Variants in ATP1B1 observed in about 807,000 individuals in gnomAD.
The protein encoded by ATP1B1 is ATPase Na+/K+ transporting subunit beta 1.
ATP1B1 carries 3 observed loss-of-function variants against 39.6 expected under a neutral mutation model. That is an observed-to-expected ratio of 0.08 (90% CI 0.03 to 0.20). ATP1B1 has a LOEUF of 0.20. Among genes scored for constraint, ATP1B1 ranks in the 10% least tolerant of loss-of-function variants. ATP1B1 has a pLI of 1.00. For synonymous variants in ATP1B1, 139 were observed against 135.0 expected (o/e 1.03, Z -0.20); for missense variants, 216 against 371.1 (o/e 0.58, Z 3.43).
Position 169,125,049 on chromosome 1 carries a change from C to CTA in ATP1B1, c.382+11_382+12insAT, listed in dbSNP as rs1328619064. ...TTTGAAGATTGTGGCGGTAAGTAGA[C>CTA]TCATTGTAGATGTCTGTGGCTAGTT... On this transcript the variant is annotated intron_variant, in intron 3 of 5. Transcript: ENST00000367815. The CTA allele has an allele frequency of 6.2e-7, 1 of 1,605,136 alleles. No homozygotes were observed. Among genetic ancestry groups the CTA allele is most frequent in the African/African-American group, 1.3e-5 (1 of 74,496 alleles).
At position 169,107,298 on chromosome 1, in the gene ATP1B1, T is replaced by C. The variant is rs566662137; in HGVS notation, c.97+372T>C. Among the ~76,000 whole-genome samples the C allele has an allele frequency of 6.3e-3, 955 of 151,542 alleles. 8 individuals are homozygous for C. The highest frequency in any genetic ancestry group is 0.022 in the African/African-American group (902 of 41,246). The stretch of plus-strand genomic sequence containing the variant: ...GTGTCCTGAGTCCTTAAAAAAAAAA[T>C]GAGATCTGGGGTCTTGAGAGAACCT... On this transcript the variant is annotated intron_variant, in intron 1 of 5. Transcript: ENST00000367815.
chr1:169,131,200 G>A lies in ATP1B1; in HGVS notation c.649-92G>A. On this transcript the variant is annotated intron_variant, in intron 5 of 5. Coordinates refer to ENST00000367815, the MANE Select transcript of ATP1B1 (RefSeq NM_001677.4). This position sits in a 1 kb window ranked among gnomAD's most constrained non-coding sequence, Gnocchi z 4.4. ...ATGTTCTTTCCTCTCTCAGTAGTTT[G>A]CAAACTACTGTGTAGATTGAGTCTT... 6.8e-7 allele frequency: 1 copy of A among 1,481,394 alleles called. No individual in the cohort carries two copies. The highest frequency in any genetic ancestry group is 9.2e-7 in the Non-Finnish European group (1 of 1,090,256). The allele number at this position is 1,481,394 out of a possible 1,614,324, so 91.8% of individuals were successfully genotyped here. A position where few individuals can be genotyped will look rare whatever the true frequency, so the allele number is the denominator to read the frequency against.
chr1:169,106,757 C>T lies in ATP1B1; in HGVS notation c.-73C>T. ...GAGCCAGGCCGGAGAAGCCGAGCGG[C>T]GCAGAGGACGCCAGGGCGCGCGCCG... is the stretch of plus-strand genomic sequence containing the variant. On this transcript the variant is annotated 5_prime_UTR_variant, in exon 1 of 6. Coordinates refer to ENST00000367815, the MANE Select transcript of ATP1B1 (RefSeq NM_001677.4). 2 of 1,272,670 alleles carry T rather than the reference C, an allele frequency of 1.6e-6. No homozygotes were observed. The highest frequency in any genetic ancestry group is 1.4e-5 in the South Asian group (1 of 72,314). The allele number at this position is 1,272,670 out of a possible 1,614,324, so 78.8% of individuals were successfully genotyped here.
intron 2 of ATP1B1, among the ~76,000 whole-genome samples, chr1:169,118,376 G>A (rs936766652): frequency 3.3e-5 from 5 of 152,208 alleles, no homozygotes; most frequent in Non-Finnish European, 5.9e-5. Flanking sequence ...GTGTCGGAGG[G>A]TGTGAATGTG....
At chr1:169,128,667 A>C (rs1658136505) in intron 4 of ATP1B1, among the ~76,000 whole-genome samples, 1 of 152,236 alleles carries the variant, frequency 6.6e-6, no homozygotes, top group South Asian at 2.1e-4. Context: ...CACTGAGATC[A>C]ATCAGCTATT....
chr1:169,123,611 C>CTCTA (rs553979831), intron 2 of ATP1B1, among the ~76,000 whole-genome samples: 6 of 149,958 alleles, frequency 4.0e-5, no homozygotes, highest in Non-Finnish European at 8.9e-5. Flanking sequence ...TTATATATAT[C>CTCTA]TCTATCTATC....
At position 169,131,606 on chromosome 1, in the gene ATP1B1, AC is replaced by A; in HGVS notation, c.*52del. On this transcript the variant is annotated 3_prime_UTR_variant, in exon 6 of 6. Transcript: ENST00000367815. The surrounding 1 kb of genome is among the most constrained non-coding windows in gnomAD (Gnocchi z 4.4). ...GCCATTTAATAAGTTAAAAAAAGAT[AC>A]AAAAACAAAAACCTACTAGTCTTGA... 1 of 1,554,840 alleles carries A rather than the reference AC, an allele frequency of 6.4e-7. No individual in the cohort carries two copies.
chr1:169,117,085 G>A (rs1220552841), intron 2 of ATP1B1, among the ~76,000 whole-genome samples: 1 of 152,178 alleles, frequency 6.6e-6, no homozygotes, highest in Non-Finnish European at 1.5e-5. Flanking sequence ...ATACTTTGGA[G>A]GGGTTGTTAG....
Position 169,124,903 on chromosome 1 carries a change from G to T in ATP1B1, c.246G>T (p.Gln82His), listed in dbSNP as rs764876165. The change falls in exon 3 of 6, where the codon CAG (glutamine) becomes CAT (histidine). Residue 82 changes from glutamine to histidine, a missense_variant. Transcript: ENST00000367815. ...GTCTAGGATTAACACAGATTCCTCA[G>T]ATCCAGAAGACTGAAATTTCCTTTC... is the stretch of plus-strand genomic sequence containing the variant. ...VAPPGLTQIP[Q>H]IQKTEISFRP... is the part of the protein sequence containing the mutation. 6 of 1,613,804 alleles carry T rather than the reference G, an allele frequency of 3.7e-6. No homozygotes were observed. The highest frequency in any genetic ancestry group is 5.1e-6 in the Non-Finnish European group (6 of 1,179,932).
intron 2 of ATP1B1, among the ~76,000 whole-genome samples, chr1:169,114,993 G>T (rs1398254989): frequency 6.6e-6 from 1 of 151,954 alleles, no homozygotes; most frequent in Non-Finnish European, 1.5e-5. Flanking sequence ...GACCATTCTG[G>T]CTAACACAGT....
In ATP1B1 at chr1:169,132,694, C is replaced by A; in HGVS notation, c.*1139C>A. ...GATCTTGTATTCAGTCAGGTTAAAA[C>A]AACGGACAATAAAAGAATGAACACA... On this transcript the variant is annotated 3_prime_UTR_variant, in exon 6 of 6. Transcript: ENST00000367815. The A allele has an allele frequency of 8.0e-7, 1 of 1,250,792 alleles. No individual in the cohort carries two copies. The highest frequency in any genetic ancestry group is 1.3e-5 in the South Asian group (1 of 75,256). The allele number at this position is 1,250,792 out of a possible 1,614,324, so 77.5% of individuals were successfully genotyped here. A position where few individuals can be genotyped will look rare whatever the true frequency, so the allele number is the denominator to read the frequency against.
At chr1:169,124,200 GTGCAAACCCAAGGCATACGGACTTTGAA>G (rs1658042858) in intron 2 of ATP1B1, among the ~76,000 whole-genome samples, 1 of 152,166 alleles carries the variant, frequency 6.6e-6, no homozygotes, top group South Asian at 2.1e-4. Context: ...GTTTTAGAGA[GTGCAAACCCAAGGCATACGGACTTTGAA>G]TTTTATCTGA....
chr1:169,109,625 C>T (rs1657684708), intron 1 of ATP1B1, among the ~76,000 whole-genome samples: 1 of 152,138 alleles, frequency 6.6e-6, no homozygotes, highest in African/African-American at 2.4e-5. Context: ...TTTTCCGTTG[C>T]TCTTATTTGT....
intron 2 of ATP1B1, among the ~76,000 whole-genome samples, chr1:169,120,916 G>C (rs1657966983): frequency 6.6e-6 from 1 of 151,192 alleles, no homozygotes; most frequent in East Asian, 1.9e-4. Context: ...TGTGATCTTA[G>C]ATATTTTTTT....
chr1:169,117,444 T>G (rs1228758046), intron 2 of ATP1B1, among the ~76,000 whole-genome samples: 1 of 152,156 alleles, frequency 6.6e-6, no homozygotes, highest in Non-Finnish European at 1.5e-5. Flanking sequence ...ACCTAATGAT[T>G]TACTTTAAAA....
In ATP1B1 at chr1:169,132,156, G is replaced by C. The variant is rs1383867907; in HGVS notation, c.*601G>C. The C allele has an allele frequency of 1.6e-6, 1 of 626,744 alleles. No homozygotes were observed. The allele number at this position is 626,744 out of a possible 1,614,324, so 38.8% of individuals were successfully genotyped here. On this transcript the variant is annotated 3_prime_UTR_variant, in exon 6 of 6. Coordinates refer to ENST00000367815, the MANE Select transcript of ATP1B1 (RefSeq NM_001677.4). ...TTATTTTTTTCCTGGGGGCTGGGGT[G>C]GGGGTTTGTCATGGGGGAACTGCCC...
intron 2 of ATP1B1, among the ~76,000 whole-genome samples, chr1:169,114,696 A>G (rs576652069): frequency 1.4e-4 from 21 of 152,322 alleles, no homozygotes; most frequent in African/African-American, 4.6e-4. Flanking sequence ...GCCCTGAACA[A>G]TGGTGGCCGT....
intron 2 of ATP1B1, among the ~76,000 whole-genome samples, chr1:169,112,321 C>T (rs1657745542): frequency 6.6e-6 from 1 of 152,260 alleles, no homozygotes; most frequent in Non-Finnish European, 1.5e-5. Context: ...ATGCCTGATG[C>T]TGATAGGACA....
intron 2 of ATP1B1, among the ~76,000 whole-genome samples, chr1:169,121,050 C>T (rs1398020085): frequency 6.6e-6 from 1 of 150,590 alleles, no homozygotes; most frequent in Non-Finnish European, 1.5e-5. Context: ...TGGGCTCAAG[C>T]GATTCTCGTG....
Sources: gnomAD v4.1 joint callset for allele counts (sites outside exome capture counted in the v4.1 genomes callset) on GRCh38, gnomAD v4.1.1 for gene constraint, Gnocchi (gnomAD v3.1) non-coding constraint, MANE v1.5 for transcripts, NCBI Gene and HGNC (gene_info 2026-07-23, HGNC 2026-07-21) for gene names.